MAGI1: variants seen among roughly 807,000 people sequenced by gnomAD.
MAGI1 encodes membrane associated guanylate kinase, WW and PDZ domain containing 1, also known as membrane-associated guanylate kinase, WW and PDZ domain-containing protein 1.
In MAGI1, 58 loss-of-function variants were observed where a neutral mutation model predicts 139.9. The observed-to-expected ratio is 0.41, with a 90% CI of 0.34 to 0.52. The LOEUF (loss-of-function observed/expected upper bound fraction) is 0.52, where lower values mean the gene tolerates loss of function less well. MAGI1 is among the 20% of genes least tolerant of loss of function. MAGI1 has a pLI of 0.12. For missense variants in MAGI1, 1,874 were observed against 1,901.6 expected (o/e 0.99, Z 0.27); for synonymous variants, 812 against 737.9 (o/e 1.10, Z -1.63).
chr3:65,509,401 A>C (rs898648726), intron 2 of MAGI1, among the ~76,000 whole-genome samples: 1 of 152,176 alleles, frequency 6.6e-6, no homozygotes. Flanking sequence ...TACCGGGTTT[A>C]TCTCACTAGG....
intron 12 of MAGI1, among the ~76,000 whole-genome samples, chr3:65,407,043 T>C (rs781278502): frequency 3.7e-4 from 56 of 152,346 alleles, no homozygotes; most frequent in Non-Finnish European, 7.8e-4. Context: ...AATTTACAAT[T>C]AATTTTAACT....
chr3:65,462,267 C>T (rs1198913765), intron 5 of MAGI1, among the ~76,000 whole-genome samples: 1 of 152,170 alleles, frequency 6.6e-6, no homozygotes, highest in Non-Finnish European at 1.5e-5. Context: ...ATGTTTAAGT[C>T]TTTAATCCAT....
intron 1 of MAGI1, among the ~76,000 whole-genome samples, chr3:65,839,405 A>AC: frequency 6.7e-6 from 1 of 149,858 alleles, no homozygotes; most frequent in Admixed American, 6.6e-5. Context: ...TATTCCTTCG[A>AC]CTTTTTTTTT....
chr3:65,807,323 T>C (rs1225469820), intron 1 of MAGI1, among the ~76,000 whole-genome samples: 2 of 152,176 alleles, frequency 1.3e-5, no homozygotes, highest in Non-Finnish European at 2.9e-5. Flanking sequence ...CAGAGCTTTC[T>C]TACTGTACAT....
intron 1 of MAGI1, among the ~76,000 whole-genome samples, chr3:65,885,305 G>C (rs974856630): frequency 6.6e-6 from 1 of 151,806 alleles, no homozygotes; most frequent in African/African-American, 2.4e-5. Context: ...GCTAAGCCAG[G>C]AGAATCACTT....
intron 1 of MAGI1, among the ~76,000 whole-genome samples, chr3:65,952,656 T>C (rs1156443012): frequency 6.6e-5 from 10 of 151,946 alleles, no homozygotes; most frequent in Admixed American, 3.3e-4. Context: ...CTACTAAAGA[T>C]ACAAAAAATT....
intron 1 of MAGI1, among the ~76,000 whole-genome samples, chr3:65,859,202 G>A (rs550077623): frequency 3.0e-4 from 45 of 150,676 alleles, no homozygotes; most frequent in African/African-American, 1.0e-3. Context: ...GCATGGTGGC[G>A]CATGCCTGTA....
intron 2 of MAGI1, among the ~76,000 whole-genome samples, chr3:65,550,344 C>T (rs369942018): frequency 3.4e-4 from 52 of 152,144 alleles, no homozygotes; most frequent in African/African-American, 1.2e-3. Flanking sequence ...GTTCAAAGTC[C>T]TGGATCTTGG....
intron 1 of MAGI1, among the ~76,000 whole-genome samples, chr3:65,685,891 G>A (rs753189343): frequency 2.6e-5 from 4 of 152,130 alleles, no homozygotes; most frequent in Admixed American, 1.3e-4. Context: ...AGTTAGACAC[G>A]TTTTCTTCCC....
At chr3:65,417,351 G>A (rs922483003) in intron 12 of MAGI1, among the ~76,000 whole-genome samples, 12 of 152,088 alleles carry the variant, frequency 7.9e-5, no homozygotes, top group Non-Finnish European at 1.5e-4. Context: ...CTGATATAAT[G>A]GAGGATGCTA....
chr3:65,924,319 C>A (rs529894915), intron 1 of MAGI1, among the ~76,000 whole-genome samples: 1 of 152,296 alleles, frequency 6.6e-6, no homozygotes, highest in African/African-American at 2.4e-5. Context: ...TACTAAAATG[C>A]CCGAATTAAG....
At chr3:65,426,800 T>C (rs1947076920) in intron 12 of MAGI1, among the ~76,000 whole-genome samples, 1 of 152,216 alleles carries the variant, frequency 6.6e-6, no homozygotes. Context: ...GTACAAACTT[T>C]CTATCCTATA....
rs140418188 is a variant in MAGI1, at chr3:65,957,593, A to G, written c.313+80403T>C. Among the ~76,000 whole-genome samples, 298 of 152,138 alleles carry G rather than the reference A, an allele frequency of 2.0e-3. 1 individual carries two copies. Among genetic ancestry groups the G allele is most frequent in the South Asian group, 7.9e-3 (38 of 4,814 alleles). ...ACATGCGACATGGACAAATCTCAAT[A>G]CAATGTTGAGGAAATGAAGTCAGGT... On this transcript the variant is annotated intron_variant, in intron 1 of 22. Coordinates refer to ENST00000402939, the MANE Select transcript of MAGI1 (RefSeq NM_001033057.2).
intron 1 of MAGI1, among the ~76,000 whole-genome samples, chr3:65,673,174 G>A (rs979414020): frequency 2.0e-5 from 3 of 152,050 alleles, no homozygotes; most frequent in Admixed American, 6.6e-5. Flanking sequence ...GACAGCATCC[G>A]TACACTACTC....
At chr3:65,617,012 A>C (rs2083411601) in intron 2 of MAGI1, among the ~76,000 whole-genome samples, 1 of 152,260 alleles carries the variant, frequency 6.6e-6, no homozygotes. Flanking sequence ...ATTTAAAATA[A>C]TAGGCAATGA....
intron 1 of MAGI1, among the ~76,000 whole-genome samples, chr3:65,950,129 T>TTG (rs1284174182): frequency 1.1e-4 from 17 of 147,902 alleles, no homozygotes; most frequent in East Asian, 5.8e-4. Context: ...TATTACTGTT[T>TTG]TTTTTTTTTT....
chr3:65,636,617 A>T (rs1431368822), intron 1 of MAGI1, among the ~76,000 whole-genome samples: 1 of 151,998 alleles, frequency 6.6e-6, no homozygotes, highest in Non-Finnish European at 1.5e-5. Context: ...GCCCTTAATG[A>T]TCATTTTTTT....
At chr3:65,764,089 A>C (rs2107897474) in intron 1 of MAGI1, among the ~76,000 whole-genome samples, 1 of 151,446 alleles carries the variant, frequency 6.6e-6, no homozygotes, top group South Asian at 2.1e-4. Flanking sequence ...AAAAAGAAAA[A>C]AAAAAAAAAA....
chr3:65,978,215 GAAT>G (rs977625718), intron 1 of MAGI1, among the ~76,000 whole-genome samples: 1 of 152,148 alleles, frequency 6.6e-6, no homozygotes, highest in African/African-American at 2.4e-5. Flanking sequence ...AGGCAAGTAA[GAAT>G]ATTATCCTCC....
Sources: gnomAD v4.1 joint callset for allele counts (sites outside exome capture counted in the v4.1 genomes callset) on GRCh38, gnomAD v4.1.1 for gene constraint, MANE v1.5 for transcripts, NCBI Gene and HGNC (gene_info 2026-07-23, HGNC 2026-07-21) for gene names.